Variants in CACNA2D3 observed in about 807,000 individuals in gnomAD.
CACNA2D3 encodes the protein voltage-dependent calcium channel subunit alpha-2/delta-3.
CACNA2D3 carries 60 observed loss-of-function variants against 160.6 expected under a neutral mutation model. The observed-to-expected ratio is 0.37, with a 90% CI of 0.30 to 0.46. The LOEUF is 0.46. CACNA2D3 is among the 20% of genes least tolerant of loss of function. The pLI is 1.00. For missense variants in CACNA2D3, 1,205 were observed against 1,365.0 expected (o/e 0.88, Z 1.85); for synonymous variants, 558 against 492.9 (o/e 1.13, Z -1.75).
chr3:54,317,982 G>T (rs1220012709), intron 2 of CACNA2D3, among the ~76,000 whole-genome samples: 1 of 152,150 alleles, frequency 6.6e-6, no homozygotes, highest in African/African-American at 2.4e-5. Flanking sequence ...CTGTATTGGG[G>T]ATTAAGTTTC....
chr3:54,411,876 A>G (rs1699673601), intron 4 of CACNA2D3, among the ~76,000 whole-genome samples: 1 of 152,198 alleles, frequency 6.6e-6, no homozygotes, highest in Non-Finnish European at 1.5e-5. Context: ...CTGCTTAACT[A>G]CACTTGTGAT....
intron 2 of CACNA2D3, among the ~76,000 whole-genome samples, chr3:54,280,523 G>A (rs145062061): frequency 6.7e-5 from 10 of 150,206 alleles, no homozygotes; most frequent in Non-Finnish European, 1.5e-5. Context: ...AGAAATGTGA[G>A]GGCCTGAACA....
chr3:54,585,408 A>G (rs1189962955), intron 9 of CACNA2D3, among the ~76,000 whole-genome samples: 1 of 152,250 alleles, frequency 6.6e-6, no homozygotes, highest in Admixed American at 6.5e-5. Context: ...ATAGGAAGGT[A>G]AGAAATGAGA....
Position 55,065,116 on chromosome 3 carries a change from C to G in CACNA2D3, c.2988-8329C>G, listed in dbSNP as rs191206830. Among the ~76,000 whole-genome samples, 11 of 152,272 alleles carry G rather than the reference C, an allele frequency of 7.2e-5. No homozygotes were observed. In the East Asian group the frequency reaches 2.1e-3, roughly 29 times the overall value. On this transcript the variant is annotated intron_variant, in intron 35 of 37. Transcript: ENST00000474759. ...CTAAATTTGATTCACAAAGGGGTGC[C>G]TACTTCTGTTCTTTTAAGGATTGTT...
intron 11 of CACNA2D3, among the ~76,000 whole-genome samples, chr3:54,684,907 C>A (rs1357255232): frequency 3.9e-5 from 6 of 152,096 alleles, no homozygotes; most frequent in Non-Finnish European, 7.3e-5. Context: ...CCTCTTCAAT[C>A]TCGTTTACAT....
chr3:54,709,290 C>T (rs1286706501), intron 11 of CACNA2D3, among the ~76,000 whole-genome samples: 3 of 151,974 alleles, frequency 2.0e-5, no homozygotes, highest in African/African-American at 7.2e-5. Flanking sequence ...GCTAGGATTA[C>T]AGGTGTGAGC....
intron 35 of CACNA2D3, among the ~76,000 whole-genome samples, chr3:55,059,085 GC>G (rs1704437213): frequency 3.3e-5 from 5 of 152,146 alleles, no homozygotes; most frequent in Admixed American, 3.3e-4. Flanking sequence ...CTTTGACTTT[GC>G]CAGATCACAT....
intron 16 of CACNA2D3, among the ~76,000 whole-genome samples, chr3:54,841,866 G>A (rs556906194): frequency 5.3e-5 from 8 of 152,284 alleles, no homozygotes; most frequent in Admixed American, 3.9e-4. Context: ...GTTGGACCAC[G>A]TGGCTTCTGG....
At chr3:54,365,266 C>A (rs1183352493) in intron 3 of CACNA2D3, among the ~76,000 whole-genome samples, 2 of 152,214 alleles carry the variant, frequency 1.3e-5, no homozygotes, top group African/African-American at 4.8e-5. Flanking sequence ...ACGCTCCACT[C>A]TGTGGCCTAG....
At chr3:54,370,373 C>T (rs1291790150) in intron 3 of CACNA2D3, among the ~76,000 whole-genome samples, 1 of 152,144 alleles carries the variant, frequency 6.6e-6, no homozygotes, top group East Asian at 1.9e-4. Flanking sequence ...TTCTTGTTCA[C>T]AGTTATTGCA....
chr3:54,571,612 AGTGTGTGTGTGTGTGTGTGTGTGT>A (rs58652360), intron 8 of CACNA2D3, among the ~76,000 whole-genome samples: 3 of 136,214 alleles, frequency 2.2e-5, no homozygotes, highest in Non-Finnish European at 4.7e-5. Flanking sequence ...CACTTAACCA[AGTGTGTGTGTGTGTGTGTGTGTGT>A]GTGTGTGTGT....
chr3:54,842,021 A>G (rs1014361525), intron 16 of CACNA2D3, among the ~76,000 whole-genome samples: 1 of 152,240 alleles, frequency 6.6e-6, no homozygotes, highest in Non-Finnish European at 1.5e-5. Context: ...GATAAAACCA[A>G]AATTAGCGAT....
At chr3:54,798,723 A>G (rs1238900610) in intron 13 of CACNA2D3, among the ~76,000 whole-genome samples, 1 of 152,254 alleles carries the variant, frequency 6.6e-6, no homozygotes, top group Non-Finnish European at 1.5e-5. Context: ...CTGAGGAAGC[A>G]ACAGGTGATA....
In CACNA2D3 at chr3:54,809,335, G is replaced by A. The variant is rs1217597971; in HGVS notation, c.1381-7518G>A. Among the ~76,000 whole-genome samples the A allele has an allele frequency of 1.8e-4, 8 of 43,940 alleles. No individual in the cohort carries two copies. In the South Asian group the frequency reaches 2.7e-3, roughly 15 times the overall value. The allele number at this position is 43,940 out of a possible 152,430, so 28.8% of individuals were successfully genotyped here. On this transcript the variant is annotated intron_variant, in intron 13 of 37. Transcript: ENST00000474759. ...TCTTTTTTTTTTTTTTTTTTGAGACGGAGTCTCGCTCTGTCGCCCAGGTCG... is the reference window on the plus strand; with the variant it reads ...TCTTTTTTTTTTTTTTTTTTGAGACAGAGTCTCGCTCTGTCGCCCAGGTCG...
chr3:54,558,134 T>C (rs965545987), intron 5 of CACNA2D3, among the ~76,000 whole-genome samples: 1 of 152,218 alleles, frequency 6.6e-6, no homozygotes, highest in African/African-American at 2.4e-5. Flanking sequence ...TATGTGACCA[T>C]TTCTAGCATT....
At position 54,414,005 on chromosome 3, in the gene CACNA2D3, A is replaced by G. The variant is rs925615662; in HGVS notation, c.381+27231A>G. On this transcript the variant is annotated intron_variant, in intron 4 of 37. Transcript: ENST00000474759. ...ATGTTTTACTGATTTGTATACATTT[A>G]CTTATAAGATTCATCCATGTAATGT... is the stretch of plus-strand genomic sequence containing the variant. 2.6e-5 allele frequency among the ~76,000 whole-genome samples: 4 copies of G among 151,338 alleles called. No individual in the cohort carries two copies. The South Asian group carries it at 8.3e-4, about 31-fold the overall frequency.
At chr3:54,662,316 C>T (rs1363994779) in intron 11 of CACNA2D3, among the ~76,000 whole-genome samples, 1 of 152,148 alleles carries the variant, frequency 6.6e-6, no homozygotes, top group Non-Finnish European at 1.5e-5. Flanking sequence ...ACTCCCTGGA[C>T]TCGCCTACCT....
chr3:54,983,774 A>G (rs1360203074), intron 29 of CACNA2D3, among the ~76,000 whole-genome samples: 1 of 152,240 alleles, frequency 6.6e-6, no homozygotes, highest in Non-Finnish European at 1.5e-5. Context: ...CAGAGTAAAG[A>G]TATGTTACAA....
chr3:54,612,864 C>T (rs535161167), intron 9 of CACNA2D3, among the ~76,000 whole-genome samples: 38 of 152,264 alleles, frequency 2.5e-4, no homozygotes, highest in Admixed American at 6.5e-4. Flanking sequence ...AAGACTGGAC[C>T]GCCTTATTAC....
Sources: gnomAD v4.1 joint callset for allele counts (sites outside exome capture counted in the v4.1 genomes callset) on GRCh38, gnomAD v4.1.1 for gene constraint, MANE v1.5 for transcripts, NCBI Gene and HGNC (gene_info 2026-07-23, HGNC 2026-07-21) for gene names.